CPVL: variants seen among roughly 807,000 people sequenced by gnomAD.
CPVL encodes probable serine carboxypeptidase CPVL.
In CPVL, 51 loss-of-function variants were observed where a neutral mutation model predicts 63.7. The observed-to-expected ratio is 0.80, with a 90% confidence interval of 0.64 to 1.01. CPVL has a LOEUF of 1.01. Ranked by LOEUF, CPVL falls within the 50% of genes least tolerant of loss-of-function variation. The pLI is 0.00. For synonymous variants in CPVL, 195 were observed against 206.0 expected, an observed-to-expected ratio of 0.95 and a Z score of 0.46; for missense variants, 530 against 573.1, an observed-to-expected ratio of 0.92 and a Z score of 0.77.
chr7:29,131,660 A>C (rs144473018), intron 1 of CPVL, among the ~76,000 whole-genome samples: 204 of 152,254 alleles, frequency 1.3e-3, no homozygotes, highest in Admixed American at 6.2e-3. Context: ...CCACCGGTGC[A>C]TGCCACCACA....
At chr7:29,146,900 T>C (rs972957861), upstream of CPVL, 3 of 1,551,106 alleles carry the variant, frequency 1.9e-6, no homozygotes, top group African/African-American at 4.1e-5. Context: ...GGTGTTTGAT[T>C]CCCACTGTTT....
chr7:29,017,901 A>T (rs915777260), intron 12 of CPVL, among the ~76,000 whole-genome samples: 67 of 152,348 alleles, frequency 4.4e-4, no homozygotes, highest in East Asian at 1.9e-4. Context: ...CAGACATGAA[A>T]TGGGTAGGAT....
chr7:29,195,250 G>T (rs1783532721), exon 1 of CPVL: 1 of 417,774 alleles, frequency 2.4e-6, no homozygotes, highest in Non-Finnish European at 4.2e-6. Flanking sequence ...GGGGCTTGGA[G>T]TGCAGCGAGC....
At chr7:29,119,029 G>A (rs116302375) in intron 2 of CPVL, among the ~76,000 whole-genome samples, 334 of 152,204 alleles carry the variant, frequency 2.2e-3, no homozygotes, top group African/African-American at 7.2e-3. Context: ...ACCCTTCCTG[G>A]ACCCCAGTGC....
At chr7:29,147,772 C>T (rs1792961120), upstream of CPVL, among the ~76,000 whole-genome samples, 1 of 152,164 alleles carries the variant, frequency 6.6e-6, no homozygotes, top group Admixed American at 6.5e-5. Flanking sequence ...AAAGTACAAA[C>T]AGAGATCTGT....
intron 3 of CPVL, among the ~76,000 whole-genome samples, chr7:29,105,270 G>A (rs1787609283): frequency 6.6e-6 from 1 of 152,168 alleles, no homozygotes; most frequent in African/African-American, 2.4e-5. Flanking sequence ...TCAGCTGACT[G>A]GACCAAGGAA....
chr7:29,130,503 T>A (rs1175999431), intron 1 of CPVL, among the ~76,000 whole-genome samples: 3 of 152,190 alleles, frequency 2.0e-5, no homozygotes, highest in South Asian at 4.1e-4. Flanking sequence ...TTACAGAACA[T>A]CTCATAGCCG....
Position 29,051,645 on chromosome 7 carries a change from G to A in CPVL, c.1137+12416C>T, listed in dbSNP as rs190685327. Among the ~76,000 whole-genome samples, 798 of 152,248 alleles carry A rather than the reference G, an allele frequency of 5.2e-3. 4 individuals carry two copies. Among genetic ancestry groups the A allele is most frequent in the Non-Finnish European group, 7.7e-3 (524 of 68,022 alleles). On this transcript the variant is annotated intron_variant, in intron 11 of 12. Transcript: ENST00000265394. ...ATCAGGGAACACTTCTACACTGTTG[G>A]TGGGAATGTAAACTAGTATAGCCAC...
At chr7:29,095,677 G>A (rs1238805603) in intron 4 of CPVL, among the ~76,000 whole-genome samples, 1 of 151,818 alleles carries the variant, frequency 6.6e-6, no homozygotes, top group Non-Finnish European at 1.5e-5. Context: ...CTCCGCCTCA[G>A]CCCCCACCGG....
chr7:29,148,857 T>G (rs189536198), upstream of CPVL, among the ~76,000 whole-genome samples: 56 of 151,782 alleles, frequency 3.7e-4, no homozygotes, highest in East Asian at 3.9e-3. Context: ...AAAGTGTGTG[T>G]GTGGGGGAAC....
chr7:29,080,478 A>G (rs1426136360), intron 7 of CPVL: 1 of 151,314 alleles, frequency 6.6e-6, no homozygotes, highest in Non-Finnish European at 1.5e-5. Context: ...GAATCACCTG[A>G]ACCCGGGAAT....
chr7:29,010,888 AT>A (rs1387704087), intron 12 of CPVL: 2 of 152,196 alleles, frequency 1.3e-5, no homozygotes, highest in African/African-American at 4.8e-5. Context: ...TATTATCCCC[AT>A]TTCACAGGTG....
At chr7:29,116,540 G>A (rs1788794625) in intron 2 of CPVL, among the ~76,000 whole-genome samples, 2 of 152,182 alleles carry the variant, frequency 1.3e-5, no homozygotes, top group African/African-American at 4.8e-5. Context: ...ACCAATGTTT[G>A]TGATATTAAC....
chr7:29,052,440 C>CAAAAA (rs57693166), intron 11 of CPVL, among the ~76,000 whole-genome samples: 1 of 118,230 alleles, frequency 8.5e-6, no homozygotes. Flanking sequence ...GATTCAGTTC[C>CAAAAA]AAAAAAAAAA....
At chr7:29,161,353 C>A (rs1215259449) in intron 5 of CPVL, among the ~76,000 whole-genome samples, 1 of 152,112 alleles carries the variant, frequency 6.6e-6, no homozygotes, top group Non-Finnish European at 1.5e-5. Flanking sequence ...TCAGGAAAAC[C>A]TAAGGATTTC....
intron 11 of CPVL, among the ~76,000 whole-genome samples, chr7:29,048,654 G>A (rs1455801512): frequency 3.9e-5 from 6 of 152,040 alleles, no homozygotes; most frequent in African/African-American, 1.4e-4. Context: ...AAGAAGCAAT[G>A]GATTTAAACT....
chr7:29,025,002 C>T (rs62442562), intron 12 of CPVL, among the ~76,000 whole-genome samples: 44,159 of 151,896 alleles, frequency 0.29, 8,271 homozygotes, highest in African/African-American at 0.53. Flanking sequence ...AGAGGAAGAA[C>T]GGAACAAAGG....
intron 10 of CPVL, among the ~76,000 whole-genome samples, chr7:29,064,937 ACCGC>A (rs1562749797): frequency 7.1e-5 from 3 of 42,116 alleles, no homozygotes; most frequent in Non-Finnish European, 1.5e-4. Flanking sequence ...AATAAAAAAA[ACCGC>A]ACACACACAC....
At chr7:29,178,543 G>T (rs245914) in intron 5 of CPVL, among the ~76,000 whole-genome samples, 25,593 of 151,976 alleles carry the variant, frequency 0.17, 2,203 homozygotes, top group African/African-American at 0.19. Context: ...TCCGAGAGAC[G>T]TTGCCTGACA....
Sources: gnomAD v4.1 joint callset for allele counts (sites outside exome capture counted in the v4.1 genomes callset) on GRCh38, gnomAD v4.1.1 for gene constraint, MANE v1.5 for transcripts, NCBI Gene and HGNC (gene_info 2026-07-23, HGNC 2026-07-21) for gene names.